The following PARK7 variants were observed in gnomAD, a reference collection of about 807,000 sequenced individuals.
PARK7 encodes Parkinson disease protein 7.
In PARK7, 14 loss-of-function variants were observed where a neutral mutation model predicts 20.5. The ratio of observed to expected loss-of-function variants is 0.68; its 90% CI spans 0.45 to 1.07. The LOEUF (loss-of-function observed/expected upper bound fraction) is 1.07. PARK7 is among the 50% of genes least tolerant of loss of function. PARK7 has a pLI of 0.00. For missense variants in PARK7, 234 were observed against 238.1 expected (o/e 0.98, Z 0.11); for synonymous variants, 98 against 84.3 (o/e 1.16, Z -0.89).
intron 3 of PARK7, among the ~76,000 whole-genome samples, chr1:7,967,651 G>T (rs1282082487): frequency 6.6e-6 from 1 of 152,174 alleles, no homozygotes; most frequent in Non-Finnish European, 1.5e-5. Context: ...AGCCATAGTG[G>T]TTCACACCTG....
intron 3 of PARK7, among the ~76,000 whole-genome samples, chr1:7,966,229 G>A (rs915980065): frequency 3.3e-5 from 5 of 152,066 alleles, no homozygotes; most frequent in African/African-American, 1.2e-4. Flanking sequence ...ATGGCTGGTT[G>A]CACACTGCTG....
At chr1:7,969,450 G>GC in intron 4 of PARK7, 46 bp downstream of exon 4, 6 of 740,560 alleles carry the variant, frequency 8.1e-6, no homozygotes, top group Non-Finnish European at 1.5e-5. Context: ...TGGGGGGGGG[G>GC]AAAAACTAAA....
intron 5 of PARK7, among the ~76,000 whole-genome samples, chr1:7,974,606 G>A (rs1474808727): frequency 1.3e-5 from 2 of 151,364 alleles, no homozygotes; most frequent in African/African-American, 2.4e-5. Flanking sequence ...TCCAGCCTGG[G>A]CGACAGAGTG....
chr1:7,984,979 G>T lies in PARK7; in HGVS notation c.495G>T (p.Ala165=), dbSNP rs768890106. 6 of 1,614,068 alleles carry T rather than the reference G, an allele frequency of 3.7e-6. No homozygotes were observed. The Admixed American group carries it at 8.3e-5, about 22-fold the overall frequency. The part of the protein sequence containing the change: ...SRGPGTSFEF[A]LAIVEALNGK... ...GGCCTGGGACCAGCTTCGAGTTTGC[G>T]CTTGCAATTGTTGAAGCCCTGAATG... Residue 165 remains alanine, a synonymous_variant, in exon 7 of 7, where the codon GCG becomes GCT. Coordinates refer to ENST00000338639, the MANE Select transcript of PARK7 (RefSeq NM_007262.5). The surrounding 1 kb of genome is among the most constrained non-coding windows in gnomAD (Gnocchi z 4.3).
chr1:7,974,265 T>C (rs1481300282), intron 5 of PARK7, among the ~76,000 whole-genome samples: 2 of 151,404 alleles, frequency 1.3e-5, no homozygotes, highest in Non-Finnish European at 2.9e-5. Context: ...TGAGGTTACA[T>C]TGAGATGTGG....
At chr1:7,963,595 G>A (rs1397881360) in intron 2 of PARK7, among the ~76,000 whole-genome samples, 5 of 151,542 alleles carry the variant, frequency 3.3e-5, no homozygotes, top group Non-Finnish European at 7.4e-5. Flanking sequence ...GGTTGGTCTC[G>A]AACTCCTGGC....
At position 7,977,678 on chromosome 1, in the gene PARK7, A is replaced by G; in HGVS notation, c.349A>G (p.Ile117Val). ...AGPTALLAHE[I>V]GFGSKVTTHP... Reference sequence around the variant, plus strand: ...TCCTACTGCTCTGTTGGCTCATGAAATAGGTTTTGGAAGTAAAGTTACAAC... The same window carrying G: ...TCCTACTGCTCTGTTGGCTCATGAAGTAGGTTTTGGAAGTAAAGTTACAAC... Residue 117 changes from isoleucine (I) to valine (V), a missense_variant, in exon 6 of 7, where the codon ATA becomes GTA. By Grantham distance (29) the Ile-to-Val change is conservative. Coordinates refer to ENST00000338639, the MANE Select transcript of PARK7 (RefSeq NM_007262.5). 6.2e-7 allele frequency: 1 copy of G among 1,614,126 alleles called. No homozygotes were observed.
chr1:7,964,353 AG>A (rs1640281209), intron 2 of PARK7, among the ~76,000 whole-genome samples: 1 of 152,172 alleles, frequency 6.6e-6, no homozygotes, highest in African/African-American at 2.4e-5. Flanking sequence ...TCACGTAGTA[AG>A]TACAAAAGCC....
intron 4 of PARK7, 43 bp from the exon 5 acceptor site, chr1:7,970,851 G>C: frequency 6.3e-7 from 1 of 1,596,832 alleles, no homozygotes; most frequent in Non-Finnish European, 8.6e-7. Context: ...TTGGTTAGTG[G>C]CTTAATGATA....
intron 6 of PARK7, among the ~76,000 whole-genome samples, chr1:7,979,898 T>A (rs1640674362): frequency 6.6e-6 from 1 of 152,198 alleles, no homozygotes; most frequent in Non-Finnish European, 1.5e-5. Context: ...GACTCACGCC[T>A]GTAATCCCAG....
chr1:7,962,996 G>C (rs2151427351), intron 2 of PARK7, 121 bp downstream of exon 2: 2 of 818,972 alleles, frequency 2.4e-6, no homozygotes, highest in Admixed American at 2.0e-5. Context: ...AAATTTCAGA[G>C]ATGACATAAG....
At chr1:7,974,078 G>A (rs1380980091) in intron 5 of PARK7, among the ~76,000 whole-genome samples, 1 of 151,938 alleles carries the variant, frequency 6.6e-6, no homozygotes, top group Admixed American at 6.6e-5. Context: ...GGGAGACTGA[G>A]GTGGGAGGAT....
chr1:7,971,047 T>G, intron 5 of PARK7, 84 bp downstream of exon 5: 9 of 1,418,918 alleles, frequency 6.3e-6, no homozygotes, highest in Non-Finnish European at 9.0e-6. Context: ...CAAATAGCTC[T>G]TCCCCTTCAT....
At chr1:7,963,249 A>T (rs1640247676) in intron 2 of PARK7, among the ~76,000 whole-genome samples, 2 of 152,124 alleles carry the variant, frequency 1.3e-5, no homozygotes, top group Non-Finnish European at 1.5e-5. Context: ...TGTTTTGTAG[A>T]GACAGGGTTT....
intron 3 of PARK7, among the ~76,000 whole-genome samples, chr1:7,968,717 A>C (rs1640385407): frequency 6.6e-6 from 1 of 151,936 alleles, no homozygotes; most frequent in Non-Finnish European, 1.5e-5. Flanking sequence ...GGGTTTTGCC[A>C]TGTTGGCCAG....
chr1:7,975,087 C>G (rs1322910688), intron 5 of PARK7, among the ~76,000 whole-genome samples: 1 of 152,066 alleles, frequency 6.6e-6, no homozygotes, highest in Non-Finnish European at 1.5e-5. Flanking sequence ...AACTCCTGAT[C>G]TCGTGATCCG....
At position 7,976,851 on chromosome 1, in the gene PARK7, G is replaced by A. The variant is rs185928631; in HGVS notation, c.323-801G>A. 3.3e-4 allele frequency among the ~76,000 whole-genome samples: 51 copies of A among 152,278 alleles called. No homozygotes were observed. The Middle Eastern group carries it at 0.014, about 41-fold the overall frequency. ...TTCTCCTGCCTCAGCCTCCCGAGTAGCTGGGACTACAGGCGCCCGCCACCA... is the reference window on the plus strand; with the variant it reads ...TTCTCCTGCCTCAGCCTCCCGAGTAACTGGGACTACAGGCGCCCGCCACCA... On this transcript the variant is annotated intron_variant, in intron 5 of 6. Coordinates refer to ENST00000338639, the MANE Select transcript of PARK7 (RefSeq NM_007262.5).
chr1:7,981,009 C>T (rs977173566), intron 6 of PARK7, among the ~76,000 whole-genome samples: 8 of 152,100 alleles, frequency 5.3e-5, no homozygotes, highest in Non-Finnish European at 1.0e-4. Context: ...GCTCCAGTCC[C>T]CATAATCTTT....
Position 7,985,479 on chromosome 1 carries a change from A to C in PARK7, c.*425A>C, listed in dbSNP as rs1247243898. Reference sequence around the variant, plus strand: ...TCTGCTTATTAGCTGTGTGTTTTTAATGTGCTATTAAAAAATACCAATGAG... The same window carrying C: ...TCTGCTTATTAGCTGTGTGTTTTTACTGTGCTATTAAAAAATACCAATGAG... On this transcript the variant is annotated 3_prime_UTR_variant, in exon 7 of 7. Coordinates refer to ENST00000338639, the MANE Select transcript of PARK7 (RefSeq NM_007262.5). 7.6e-6 allele frequency: 2 copies of C among 264,162 alleles called. No homozygotes were observed. The highest frequency in any genetic ancestry group is 2.3e-5 in the African/African-American group (1 of 44,370). The allele number at this position is 264,162 out of a possible 1,614,324, so 16.4% of individuals were successfully genotyped here.
Sources: gnomAD v4.1 joint callset for allele counts (sites outside exome capture counted in the v4.1 genomes callset) on GRCh38, gnomAD v4.1.1 for gene constraint, Gnocchi (gnomAD v3.1) non-coding constraint, MANE v1.5 for transcripts, NCBI Gene and HGNC (gene_info 2026-07-23, HGNC 2026-07-21) for gene names.